Variants in OTOF observed in about 807,000 individuals in gnomAD.
OTOF encodes the protein otoferlin, also known as fer-1-like family member 2.
Under a neutral mutation model 236.8 loss-of-function variants are expected in OTOF, and 218 were observed. The ratio of observed to expected loss-of-function variants is 0.92; its 90% CI spans 0.82 to 1.03. The LOEUF (loss-of-function observed/expected upper bound fraction) is 1.03. OTOF is among the 50% of genes least tolerant of loss of function. The pLI is 0.00. For missense variants in OTOF, 2,590 were observed against 2,694.4 expected, an observed-to-expected ratio of 0.96 and a Z score of 0.86; for synonymous variants, 1,041 against 1,072.5, an observed-to-expected ratio of 0.97 and a Z score of 0.57.
chr2:26,537,695 G>T (rs1401806805), intron 2 of OTOF, 21 bp downstream of exon 2: 1 of 1,541,834 alleles, frequency 6.5e-7, no homozygotes, highest in African/African-American at 1.4e-5. Flanking sequence ...CTGAGGGAGG[G>T]GGGAGTCTTG....
rs1665518733 is a variant in OTOF at position 26,480,822 on chromosome 2, T to G, written c.1767A>C (p.Thr589=). 6.2e-7 allele frequency: 1 copy of G among 1,612,622 alleles called. No homozygotes were observed. Among genetic ancestry groups the G allele is most frequent in the African/African-American group, 1.3e-5 (1 of 74,962 alleles). ...GCGTGGCCTGCTCCACCTGCACCTCTGTGGAGCTGGTGAGCTCAGGGTTGG... is the reference window on the plus strand; with the variant it reads ...GCGTGGCCTGCTCCACCTGCACCTCGGTGGAGCTGGTGAGCTCAGGGTTGG... ...DTSNPELTSS[T]EVQVEQATPI... Residue 589 remains threonine, a synonymous_variant, in exon 15 of 47, where the codon ACA becomes ACC. Coordinates refer to ENST00000272371, the MANE Select transcript of OTOF (RefSeq NM_194248.3).
At position 26,464,030 on chromosome 2, in the gene OTOF, G is replaced by A. The variant is rs1442861967; in HGVS notation, c.5037C>T (p.Cys1679=). ...TCTCCACATGCTCTGGCACCAGGCGGCAGCCTGCGCGGGGGATGTCCTCCC... is the reference window on the plus strand; with the variant it reads ...TCTCCACATGCTCTGGCACCAGGCGACAGCCTGCGCGGGGGATGTCCTCCC... The part of the protein sequence containing the change: ...RHWEDIPRAG[C]RLVPEHVETR... The change falls in exon 40 of 47, where the codon TGC becomes TGT. Residue 1679 remains cysteine, a synonymous_variant. Transcript: ENST00000272371. The A allele has an allele frequency of 1.9e-6, 3 of 1,613,610 alleles. No individual in the cohort carries two copies. The African/African-American group carries it at 4.0e-5, about 22-fold the overall frequency.
chr2:26,461,724 C>T lies in OTOF; in HGVS notation c.5505G>A (p.Ala1835=), dbSNP rs368190044. 4.8e-5 allele frequency: 78 copies of T among 1,614,022 alleles called. No homozygotes were observed. The highest frequency in any genetic ancestry group is 3.3e-4 in the Middle Eastern group (2 of 6,084). Residue 1835 remains alanine, a synonymous_variant, in exon 43 of 47, where the codon GCG becomes GCA. Transcript: ENST00000272371. The surrounding 1 kb of genome is among the most constrained non-coding windows in gnomAD (Gnocchi z 6.2). The part of the protein sequence containing the change: ...PARLTLQIWD[A]DHFSADDFLG... ...GGAAGTCGTCAGCGGAGAAGTGGTC[C>T]GCATCCCAGATCTGCAGGGTGAGCC...
chr2:26,538,700 G>A (rs1485759842), intron 1 of OTOF, among the ~76,000 whole-genome samples: 3 of 152,168 alleles, frequency 2.0e-5, no homozygotes, highest in African/African-American at 2.4e-5. Flanking sequence ...GCCATGTCCC[G>A]GGGCCTCGGG....
rs987390512 is a variant in OTOF, at chr2:26,477,303, G to A, written c.2407-15C>T. 6.8e-6 allele frequency: 11 copies of A among 1,606,990 alleles called. No individual in the cohort carries two copies. The highest frequency in any genetic ancestry group is 4.5e-5 in the East Asian group (2 of 44,746). Reference sequence around the variant, plus strand: ...CCCATGTTTTCCTGCGAAGGAGGGGGTGTCAGTGAACCCAGCAACTGGGGG... The same window carrying A: ...CCCATGTTTTCCTGCGAAGGAGGGGATGTCAGTGAACCCAGCAACTGGGGG... On this transcript the variant is annotated splice_polypyrimidine_tract_variant and intron_variant, in intron 20 of 46. Coordinates refer to ENST00000272371, the MANE Select transcript of OTOF (RefSeq NM_194248.3). The surrounding 1 kb of genome is among the most constrained non-coding windows in gnomAD (Gnocchi z 4.7).
In OTOF at chr2:26,479,478, G is replaced by T; in HGVS notation, c.2088C>A (p.Thr696=). The T allele has an allele frequency of 6.2e-7, 1 of 1,601,126 alleles. No individual in the cohort carries two copies. The highest frequency in any genetic ancestry group is 8.5e-7 in the Non-Finnish European group (1 of 1,174,838). ...SSTPPMRPQV[T]DRNYFHLPYL... ...GGATGGGAGGCTGGGCCCACCTGTC[G>T]GTGACCTGGGGCCGCATTGGTGGAG... The change falls in exon 17 of 47, where the codon ACC becomes ACA. Residue 696 remains threonine, a synonymous_variant. Coordinates refer to ENST00000272371, the MANE Select transcript of OTOF (RefSeq NM_194248.3).
chr2:26,545,280 G>GT (rs1667304946), intron 1 of OTOF, among the ~76,000 whole-genome samples: 1 of 152,134 alleles, frequency 6.6e-6, no homozygotes, highest in Non-Finnish European at 1.5e-5. Context: ...ATTTTCACAT[G>GT]TTTATTGGCC....
At chr2:26,536,484 C>T (rs1667072520) in intron 2 of OTOF, among the ~76,000 whole-genome samples, 1 of 152,084 alleles carries the variant, frequency 6.6e-6, no homozygotes, top group Non-Finnish European at 1.5e-5. Context: ...TGCTGGGCCG[C>T]GATGGTTGAT....
chr2:26,503,985 G>C lies in OTOF; in HGVS notation c.510-140C>G. Reference sequence around the variant, plus strand: ...CCCCTCACCTACTGGTCCCGAGACAGATCGGGATCTGTCTTCCCAAATTGG... The same window carrying C: ...CCCCTCACCTACTGGTCCCGAGACACATCGGGATCTGTCTTCCCAAATTGG... On this transcript the variant is annotated intron_variant, in intron 5 of 46. Coordinates refer to ENST00000272371, the MANE Select transcript of OTOF (RefSeq NM_194248.3). The C allele has an allele frequency of 1.1e-5, 8 of 751,612 alleles. No homozygotes were observed. The South Asian group carries it at 1.2e-4, about 11-fold the overall frequency. The allele number at this position is 751,612 out of a possible 1,614,324, so 46.6% of individuals were successfully genotyped here. A position where few individuals can be genotyped will look rare whatever the true frequency, so the allele number is the denominator to read the frequency against.
intron 12 of OTOF, among the ~76,000 whole-genome samples, chr2:26,484,204 C>A (rs1665644249): frequency 6.6e-6 from 1 of 152,236 alleles, no homozygotes; most frequent in Non-Finnish European, 1.5e-5. Context: ...ACTCAGGACC[C>A]AGCAGCTGCT....
rs879757030 is a variant in OTOF, at chr2:26,466,629, A to T, written c.4500+85T>A. ...TGGGATTACAGGCGTAAACCATTGC[A>T]CCTGGCCAGTATGCAGCTTCTTTGC... On this transcript the variant is annotated intron_variant, in intron 36 of 46. Transcript: ENST00000272371. The T allele has an allele frequency of 8.6e-6, 13 of 1,511,110 alleles. No homozygotes were observed. In the Admixed American group the frequency reaches 2.0e-4, roughly 24 times the overall value. The allele number at this position is 1,511,110 out of a possible 1,614,324, so 93.6% of individuals were successfully genotyped here.
chr2:26,553,500 G>T (rs1251548625), intron 1 of OTOF, among the ~76,000 whole-genome samples: 1 of 152,020 alleles, frequency 6.6e-6, no homozygotes, highest in Non-Finnish European at 1.5e-5. Flanking sequence ...TACCCCCACC[G>T]CTGGCCCTCC....
At chr2:26,488,012 C>G (rs1440438825) in intron 11 of OTOF, among the ~76,000 whole-genome samples, 1 of 152,180 alleles carries the variant, frequency 6.6e-6, no homozygotes, top group African/African-American at 2.4e-5. Context: ...AGAGGCTGGA[C>G]TAGATGTTTT....
At chr2:26,492,951 G>A (rs1476481187) in intron 9 of OTOF, among the ~76,000 whole-genome samples, 1 of 152,190 alleles carries the variant, frequency 6.6e-6, no homozygotes, top group Non-Finnish European at 1.5e-5. Flanking sequence ...TGAAAGCCAA[G>A]GTGTGTGGGC....
At chr2:26,501,453 CTT>C (rs760336632) in intron 8 of OTOF, among the ~76,000 whole-genome samples, 1 of 152,170 alleles carries the variant, frequency 6.6e-6, no homozygotes, top group African/African-American at 2.4e-5. Context: ...TTCTTGGTCT[CTT>C]TATGGTTTTT....
intron 3 of OTOF, among the ~76,000 whole-genome samples, chr2:26,525,614 C>A (rs76970671): frequency 0.011 from 1,617 of 152,182 alleles, 31 homozygotes; most frequent in African/African-American, 0.037. Flanking sequence ...TGGCAGAAAG[C>A]ATTTGTTCAC....
chr2:26,463,448 C>T (rs376051912), intron 41 of OTOF, 35 bp downstream of exon 41: 335 of 1,520,282 alleles, frequency 2.2e-4, no homozygotes, highest in South Asian at 1.3e-3. Context: ...TGGGGTGGGC[C>T]GGAAGGGAGT....
rs781688103 is a variant in OTOF at position 26,465,724 on chromosome 2, G to A, written c.4747C>T (p.Arg1583Cys). 1.7e-5 allele frequency: 27 copies of A among 1,614,238 alleles called. No individual in the cohort carries two copies. Among genetic ancestry groups the A allele is most frequent in the South Asian group, 4.4e-5 (4 of 91,088 alleles). Residue 1583 changes from arginine (R) to cysteine (C), a missense_variant, in exon 38 of 47, where the codon CGC (arginine) becomes TGC (cysteine). Around this residue, in one of 2 missense-constraint regions of OTOF, gnomAD observed 1,211 missense variants for 1,352.8 expected, o/e 0.90. Transcript: ENST00000272371. The stretch of plus-strand genomic sequence containing the variant: ...GTGGCGCGGTGCTTGCTGTAGAAGC[G>A]GTTCTCCAGGTCGATCTTGGTTTCC... ...IGETKIDLEN[R>C]FYSKHRATCG...
intron 15 of OTOF, 93 bp downstream of exon 15, chr2:26,480,693 G>A (rs1665513398): frequency 9.6e-7 from 1 of 1,037,130 alleles, no homozygotes; most frequent in African/African-American, 1.6e-5. Flanking sequence ...GGTAGACAGG[G>A]CAGCAACAGG....
Sources: gnomAD v4.1 joint callset for allele counts (sites outside exome capture counted in the v4.1 genomes callset) on GRCh38, gnomAD v4.1.1 for gene constraint, gnomAD v4.1.1 regional missense constraint, Gnocchi (gnomAD v3.1) non-coding constraint, MANE v1.5 for transcripts, NCBI Gene and HGNC (gene_info 2026-07-23, HGNC 2026-07-21) for gene names.